The following PACRG variants were observed in gnomAD, a reference collection of about 807,000 sequenced individuals.
PACRG encodes parkin coregulated gene protein.
In PACRG, 29 loss-of-function variants were observed where a neutral mutation model predicts 29.7. The ratio of observed to expected loss-of-function variants is 0.98; its 90% CI spans 0.73 to 1.33. The LOEUF is 1.33. Ranked by LOEUF, PACRG falls within the 40% of genes most tolerant of loss-of-function variation. The pLI is 0.00. For missense variants in PACRG, 279 were observed against 316.2 expected (o/e 0.88, Z 0.89); for synonymous variants, 116 against 118.7 (o/e 0.98, Z 0.15).
chr6:162,859,434 G>C (rs1408517028), intron 2 of PACRG, among the ~76,000 whole-genome samples: 2 of 152,136 alleles, frequency 1.3e-5, no homozygotes, highest in African/African-American at 2.4e-5. Flanking sequence ...AGCAGGGCTA[G>C]AAATTCAACT....
chr6:163,183,261 T>TG (rs140336196), intron 4 of PACRG: 13,798 of 152,224 alleles, frequency 0.091, 1,536 homozygotes, highest in African/African-American at 0.27. Flanking sequence ...TCGAAGGGCA[T>TG]GGAAGGGCAT....
At chr6:162,942,813 C>T (rs1798728056) in intron 2 of PACRG, among the ~76,000 whole-genome samples, 1 of 152,144 alleles carries the variant, frequency 6.6e-6, no homozygotes, top group Non-Finnish European at 1.5e-5. Flanking sequence ...AGATAGCTAA[C>T]TGGAGGTATC....
intron 2 of PACRG, among the ~76,000 whole-genome samples, chr6:162,930,210 A>G (rs2128105224): frequency 6.6e-6 from 1 of 152,002 alleles, no homozygotes; most frequent in East Asian, 1.9e-4. Context: ...AAAATTAGTT[A>G]TTCCAATCCA....
chr6:162,995,934 A>G (rs755909611), intron 2 of PACRG, among the ~76,000 whole-genome samples: 5 of 152,298 alleles, frequency 3.3e-5, no homozygotes, highest in Admixed American at 6.5e-5. Context: ...CCTGATTTCA[A>G]TTCCTTTGAA....
In PACRG at chr6:163,160,027, A is replaced by T. The variant is rs1472841504; in HGVS notation, c.613+70619A>T. 2.6e-5 allele frequency among the ~76,000 whole-genome samples: 4 copies of T among 152,052 alleles called. No individual in the cohort carries two copies. The East Asian group carries it at 7.7e-4, about 29-fold the overall frequency. The stretch of plus-strand genomic sequence containing the variant: ...TGGTTAGCACTTCTCTGTACTTTTA[A>T]TTATTTTTCATTTTGATTATTTTCG... On this transcript the variant is annotated intron_variant, in intron 4 of 4. Coordinates refer to ENST00000366888, the MANE Select transcript of PACRG (RefSeq NM_001080379.2).
intron 1 of PACRG, among the ~76,000 whole-genome samples, chr6:162,782,442 T>C (rs902945861): frequency 6.6e-6 from 1 of 151,902 alleles, no homozygotes; most frequent in Admixed American, 6.6e-5. Context: ...AAATGAGACA[T>C]AAATAAGGCC....
intron 2 of PACRG, among the ~76,000 whole-genome samples, chr6:162,895,271 C>CTAAA (rs1795084177): frequency 1.1e-5 from 1 of 93,582 alleles, no homozygotes; most frequent in Non-Finnish European, 2.2e-5. Flanking sequence ...CCCTCTCTCT[C>CTAAA]AAAAAAAAAA....
intron 2 of PACRG, chr6:163,044,515 C>T (rs1223814095): frequency 6.6e-6 from 1 of 152,044 alleles, no homozygotes; most frequent in African/African-American, 2.4e-5. Context: ...GCAATCAGGT[C>T]CATAAATTAT....
chr6:163,221,656 T>C (rs1350711671), intron 4 of PACRG, among the ~76,000 whole-genome samples: 2 of 152,218 alleles, frequency 1.3e-5, no homozygotes, highest in Non-Finnish European at 2.9e-5. Flanking sequence ...CATAGGTAAA[T>C]GAATAATATT....
intron 1 of PACRG, among the ~76,000 whole-genome samples, chr6:162,732,209 C>T (rs928776092): frequency 3.3e-5 from 5 of 152,174 alleles, no homozygotes; most frequent in African/African-American, 1.2e-4. Context: ...AGCCCACGTA[C>T]CTGTCTCCTC....
intron 4 of PACRG, among the ~76,000 whole-genome samples, chr6:163,117,147 C>T (rs1192457616): frequency 1.3e-5 from 2 of 152,220 alleles, no homozygotes; most frequent in Non-Finnish European, 2.9e-5. Context: ...AGGGAACACT[C>T]ATCCCACACT....
At chr6:163,167,425 G>T (rs370592933) in intron 4 of PACRG, among the ~76,000 whole-genome samples, 7 of 152,110 alleles carry the variant, frequency 4.6e-5, no homozygotes, top group Non-Finnish European at 7.4e-5. Flanking sequence ...ATCCTTCAGG[G>T]TTCTTTGCCA....
chr6:163,113,829 G>A (rs1815839574), intron 4 of PACRG, among the ~76,000 whole-genome samples: 1 of 152,114 alleles, frequency 6.6e-6, no homozygotes, highest in Non-Finnish European at 1.5e-5. Context: ...CTCGGTAAAG[G>A]TAAATACATG....
intron 4 of PACRG, among the ~76,000 whole-genome samples, chr6:163,266,364 G>A (rs1783528047): frequency 6.6e-6 from 1 of 152,184 alleles, no homozygotes; most frequent in African/African-American, 2.4e-5. Flanking sequence ...GAGGGGAGCG[G>A]TAATTTTGAG....
intron 2 of PACRG, among the ~76,000 whole-genome samples, chr6:162,888,867 G>A (rs1794557153): frequency 6.6e-6 from 1 of 152,188 alleles, no homozygotes; most frequent in African/African-American, 2.4e-5. Context: ...AGACCCAGCT[G>A]CTGCCCAAAT....
At chr6:162,770,622 T>C (rs912056104) in intron 1 of PACRG, among the ~76,000 whole-genome samples, 1 of 152,138 alleles carries the variant, frequency 6.6e-6, no homozygotes, top group Non-Finnish European at 1.5e-5. Flanking sequence ...CTCATTTCTG[T>C]TTGATTATTG....
At chr6:162,832,436 A>G (rs1027318868) in intron 2 of PACRG, among the ~76,000 whole-genome samples, 1 of 152,092 alleles carries the variant, frequency 6.6e-6, no homozygotes, top group Admixed American at 6.5e-5. Context: ...CAGTGCTCCA[A>G]TCTGTGTGGG....
chr6:163,292,055 G>T (rs757909234), intron 4 of PACRG, among the ~76,000 whole-genome samples: 1 of 152,206 alleles, frequency 6.6e-6, no homozygotes. Context: ...GTTTAAGTAG[G>T]CAGTGGAAAA....
At chr6:163,210,067 C>T (rs2128153984) in intron 4 of PACRG, among the ~76,000 whole-genome samples, 1 of 152,298 alleles carries the variant, frequency 6.6e-6, no homozygotes, top group South Asian at 2.1e-4. Context: ...CCATGAGGAC[C>T]ATTGTCACCC....
Sources: gnomAD v4.1 joint callset for allele counts (sites outside exome capture counted in the v4.1 genomes callset) on GRCh38, gnomAD v4.1.1 for gene constraint, MANE v1.5 for transcripts, NCBI Gene and HGNC (gene_info 2026-07-23, HGNC 2026-07-21) for gene names.